The following SKAP2 variants were observed in gnomAD, a reference collection of about 807,000 sequenced individuals.
SKAP2 encodes the protein src kinase-associated phosphoprotein 2.
Under a neutral mutation model 54.9 loss-of-function variants are expected in SKAP2, and 28 were observed. That is an observed-to-expected ratio of 0.51 (90% CI 0.38 to 0.70). SKAP2 has a LOEUF of 0.70. SKAP2 is among the 30% of genes least tolerant of loss of function. The pLI is 0.00. For synonymous variants in SKAP2, 137 were observed against 134.3 expected, an observed-to-expected ratio of 1.02 and a Z score of -0.14; for missense variants, 356 against 424.1, an observed-to-expected ratio of 0.84 and a Z score of 1.41.
chr7:26,829,656 G>A (rs1277687421), intron 4 of SKAP2, among the ~76,000 whole-genome samples: 1 of 152,110 alleles, frequency 6.6e-6, no homozygotes, highest in East Asian at 1.9e-4. Context: ...ACATAAAAAG[G>A]TGATTAACAT....
chr7:26,816,554 G>A (rs1481409030), intron 4 of SKAP2, among the ~76,000 whole-genome samples: 5 of 151,878 alleles, frequency 3.3e-5, no homozygotes, highest in Admixed American at 6.6e-5. Flanking sequence ...CAGATATTAA[G>A]AAAATTAAGA....
intron 4 of SKAP2, among the ~76,000 whole-genome samples, chr7:26,835,741 A>G (rs1045740501): frequency 1.3e-5 from 2 of 152,220 alleles, no homozygotes; most frequent in Non-Finnish European, 2.9e-5. Flanking sequence ...GGAAGAATCA[A>G]TATCATGAAA....
At chr7:26,656,943 T>A in the SKAP2 span, among the ~76,000 whole-genome samples, 1 of 151,948 alleles carries the variant, frequency 6.6e-6, no homozygotes, top group Non-Finnish European at 1.5e-5. Flanking sequence ...GTGAATAATA[T>A]TTAGATCATA....
chr7:26,819,423 G>A (rs988882444), intron 4 of SKAP2, among the ~76,000 whole-genome samples: 2 of 152,008 alleles, frequency 1.3e-5, no homozygotes, highest in Non-Finnish European at 2.9e-5. Flanking sequence ...GTCGGGGGGT[G>A]GGGGCTAGGG....
chr7:26,716,608 C>T (rs1478097149), intron 9 of SKAP2, among the ~76,000 whole-genome samples: 1 of 152,128 alleles, frequency 6.6e-6, no homozygotes, highest in Non-Finnish European at 1.5e-5. Context: ...TATATTATGG[C>T]TTAATTTTAC....
intron 4 of SKAP2, among the ~76,000 whole-genome samples, chr7:26,769,224 C>T (rs1042367007): frequency 9.2e-5 from 14 of 152,156 alleles, no homozygotes; most frequent in African/African-American, 3.4e-4. Flanking sequence ...CTCTGATATA[C>T]TTTCTTCTGC....
intron 4 of SKAP2, among the ~76,000 whole-genome samples, chr7:26,754,935 C>T (rs1331904984): frequency 6.6e-6 from 1 of 152,176 alleles, no homozygotes; most frequent in Non-Finnish European, 1.5e-5. Context: ...AGATACACAT[C>T]CCGCTAAAAT....
intron 3 of SKAP2, chr7:26,848,175 T>C (rs1584424929): frequency 6.6e-6 from 1 of 152,244 alleles, no homozygotes. Context: ...CCTAGAGATG[T>C]AGCCCAACAA....
chr7:26,838,142 C>T (rs1478619789), intron 4 of SKAP2, among the ~76,000 whole-genome samples: 1 of 152,192 alleles, frequency 6.6e-6, no homozygotes, highest in Non-Finnish European at 1.5e-5. Context: ...ATTTAACCTA[C>T]ATTTAACTTC....
At chr7:26,833,865 A>G (rs1272861040) in intron 4 of SKAP2, among the ~76,000 whole-genome samples, 1 of 152,138 alleles carries the variant, frequency 6.6e-6, no homozygotes, top group Non-Finnish European at 1.5e-5. Context: ...ACATCTACAG[A>G]ACTCTCCACC....
intron 4 of SKAP2, among the ~76,000 whole-genome samples, chr7:26,782,292 G>A (rs1264553458): frequency 6.6e-6 from 1 of 152,080 alleles, no homozygotes; most frequent in Non-Finnish European, 1.5e-5. Flanking sequence ...TAGCCAAAAA[G>A]CCTGATTTAC....
chr7:26,835,124 G>C (rs1784679357), intron 4 of SKAP2, among the ~76,000 whole-genome samples: 1 of 152,126 alleles, frequency 6.6e-6, no homozygotes, highest in Non-Finnish European at 1.5e-5. Flanking sequence ...ATGCAGAAAA[G>C]GCCTTCGATA....
chr7:26,748,974 C>T (rs1182614923), intron 4 of SKAP2, among the ~76,000 whole-genome samples: 1 of 152,098 alleles, frequency 6.6e-6, no homozygotes, highest in Admixed American at 6.6e-5. Context: ...GGAGGGCATA[C>T]TATGGAGAGC....
chr7:26,795,564 C>A (rs1205281517), intron 4 of SKAP2, among the ~76,000 whole-genome samples: 1 of 152,050 alleles, frequency 6.6e-6, no homozygotes, highest in Non-Finnish European at 1.5e-5. Flanking sequence ...GTAAGTGGAA[C>A]AAAATTTTAG....
intron 4 of SKAP2, among the ~76,000 whole-genome samples, chr7:26,827,828 G>T (rs1443245507): frequency 6.6e-6 from 1 of 152,128 alleles, no homozygotes; most frequent in Non-Finnish European, 1.5e-5. Flanking sequence ...TGTTGTCGTT[G>T]ACCAGTAACA....
intron 1 of SKAP2, among the ~76,000 whole-genome samples, chr7:26,859,400 G>GA (rs1293008697): frequency 5.3e-5 from 8 of 152,172 alleles, no homozygotes; most frequent in Non-Finnish European, 1.0e-4. Context: ...CCCAAAGTTG[G>GA]AAAATGGCTA....
intron 4 of SKAP2, among the ~76,000 whole-genome samples, chr7:26,798,121 G>T (rs1043620256): frequency 1.3e-5 from 2 of 151,824 alleles, no homozygotes; most frequent in African/African-American, 4.8e-5. Context: ...TTAACCCAAA[G>T]GTTAAAGCAT....
At chr7:26,843,978 T>C (rs1420156763) in intron 4 of SKAP2, 52 bp downstream of exon 4, 1 of 1,099,074 alleles carries the variant, frequency 9.1e-7, no homozygotes, top group Non-Finnish European at 1.4e-6. Flanking sequence ...CACCCATATA[T>C]ATAGCATTGT....
At chr7:26,841,581 C>A (rs1784816715) in intron 4 of SKAP2, among the ~76,000 whole-genome samples, 2 of 151,886 alleles carry the variant, frequency 1.3e-5, no homozygotes, top group Non-Finnish European at 2.9e-5. Context: ...ACCTAATAAA[C>A]CATAAAGAAA....
Sources: gnomAD v4.1 joint callset for allele counts (sites outside exome capture counted in the v4.1 genomes callset) on GRCh38, gnomAD v4.1.1 for gene constraint, MANE v1.5 for transcripts, NCBI Gene and HGNC (gene_info 2026-07-23, HGNC 2026-07-21) for gene names.